Variants in TNIP3 observed in about 807,000 individuals in gnomAD.
TNIP3 encodes TNFAIP3-interacting protein 3.
A neutral mutation model predicts 54.1 loss-of-function variants in TNIP3; 34 were observed. The observed-to-expected ratio is 0.63, with a 90% CI of 0.48 to 0.84. The LOEUF (loss-of-function observed/expected upper bound fraction) is 0.84, where lower values mean the gene tolerates loss of function less well. Among genes scored for constraint, TNIP3 ranks in the 40% least tolerant of loss-of-function variants. The pLI is 0.00. For missense variants in TNIP3, 366 were observed against 387.6 expected (o/e 0.94, Z 0.47); for synonymous variants, 134 against 136.8 (o/e 0.98, Z 0.14).
chr4:121,163,813 A>G (rs113324314), intron 1 of TNIP3, among the ~76,000 whole-genome samples: 3,865 of 152,300 alleles, frequency 0.025, 159 homozygotes, highest in African/African-American at 0.087. Flanking sequence ...AAAATCAAGA[A>G]CAAAATAAGG....
At chr4:121,156,602 G>A (rs1208306302) in intron 4 of TNIP3, among the ~76,000 whole-genome samples, 1 of 152,104 alleles carries the variant, frequency 6.6e-6, no homozygotes, top group Non-Finnish European at 1.5e-5. Flanking sequence ...TAATGAGGAC[G>A]AAGGCTTTAA....
At chr4:121,169,629 C>T (rs17051305) in intron 3 of TNIP3, among the ~76,000 whole-genome samples, 6,713 of 152,224 alleles carry the variant, frequency 0.044, 491 homozygotes, top group African/African-American at 0.15. Flanking sequence ...CCTTCCTTAC[C>T]CCAAAACAAA....
intron 3 of TNIP3, among the ~76,000 whole-genome samples, chr4:121,169,509 C>T (rs1730953681): frequency 1.3e-5 from 2 of 152,140 alleles, no homozygotes; most frequent in African/African-American, 2.4e-5. Context: ...AGCTTGTAAA[C>T]TCCATGATAG....
At chr4:121,182,454 TA>T (rs1306810575) in intron 3 of TNIP3, among the ~76,000 whole-genome samples, 1 of 152,188 alleles carries the variant, frequency 6.6e-6, no homozygotes, top group African/African-American at 2.4e-5. Flanking sequence ...CTGGACACTT[TA>T]AAGTGGAAAG....
intron 2 of TNIP3, among the ~76,000 whole-genome samples, chr4:121,189,916 C>A (rs2148831817): frequency 6.6e-6 from 1 of 152,272 alleles, no homozygotes; most frequent in Non-Finnish European, 1.5e-5. Context: ...ACTGATGCCA[C>A]AAACTAGATC....
chr4:121,144,263 G>C (rs1277907570), intron 7 of TNIP3, among the ~76,000 whole-genome samples: 2 of 152,068 alleles, frequency 1.3e-5, no homozygotes, highest in African/African-American at 4.8e-5. Flanking sequence ...AGATTACAAA[G>C]AACTGAAAGT....
chr4:121,150,008 A>G (rs529584124), intron 6 of TNIP3, 95 bp downstream of exon 6: 2 of 738,586 alleles, frequency 2.7e-6, no homozygotes, highest in Non-Finnish European at 4.7e-6. Context: ...AACCTTTGAC[A>G]TATTTCTAGC....
intron 6 of TNIP3, among the ~76,000 whole-genome samples, chr4:121,148,011 G>A (rs541530311): frequency 1.4e-4 from 22 of 152,318 alleles, no homozygotes; most frequent in African/African-American, 5.3e-4. Flanking sequence ...GCACTGAAGG[G>A]AAACTACATC....
chr4:121,206,982 T>C (rs572986842), intron 2 of TNIP3, among the ~76,000 whole-genome samples: 2 of 152,276 alleles, frequency 1.3e-5, no homozygotes, highest in African/African-American at 4.8e-5. Flanking sequence ...TAGAAATAAG[T>C]TCAAATATAG....
intron 2 of TNIP3, among the ~76,000 whole-genome samples, chr4:121,160,820 C>A (rs996345795): frequency 1.3e-5 from 2 of 151,982 alleles, no homozygotes; most frequent in African/African-American, 4.8e-5. Flanking sequence ...AAGGCACAAA[C>A]GATAAAGGCA....
chr4:121,203,975 ATATT>A (rs1308704720), intron 2 of TNIP3, among the ~76,000 whole-genome samples: 16 of 148,984 alleles, frequency 1.1e-4, no homozygotes, highest in African/African-American at 3.9e-4. Flanking sequence ...TTTAAATTAA[ATATT>A]TAATATTAAA....
In TNIP3 at chr4:121,178,481, G is replaced by A. The variant is rs145473595; in HGVS notation, c.189+4195C>T. 6.1e-4 allele frequency among the ~76,000 whole-genome samples: 93 copies of A among 152,286 alleles called. No homozygotes were observed. The South Asian group carries it at 8.5e-3, about 14-fold the overall frequency. On this transcript the variant is annotated intron_variant, in intron 3 of 12. Coordinates refer to the TNIP3 transcript ENST00000507879. ...GTGTTTGGTTGCATTTGGAGTTCTCGAAGACATATTCCACATTGAGCACAC... is the reference window on the plus strand; with the variant it reads ...GTGTTTGGTTGCATTTGGAGTTCTCAAAGACATATTCCACATTGAGCACAC...
At chr4:121,211,272 TATAA>T (rs1726463369) in intron 2 of TNIP3, among the ~76,000 whole-genome samples, 1 of 152,182 alleles carries the variant, frequency 6.6e-6, no homozygotes. Context: ...CTTATGTCAA[TATAA>T]ATACTAGCAA....
At chr4:121,204,285 T>A (rs1033558339) in intron 2 of TNIP3, among the ~76,000 whole-genome samples, 4 of 152,124 alleles carry the variant, frequency 2.6e-5, no homozygotes, top group African/African-American at 9.7e-5. Flanking sequence ...GATTGCCTCA[T>A]TTGGAGAGGC....
Position 121,158,638 on chromosome 4 carries a change from A to G in TNIP3, c.213+49T>C, listed in dbSNP as rs752734288. ...TGAGACTCTTCACACAATTGGCCCC[A>G]CCAGGATAATGGCTTTAAAGAAAAT... On this transcript the variant is annotated intron_variant, in intron 3 of 10. Coordinates refer to ENST00000057513, the MANE Select transcript of TNIP3 (RefSeq NM_024873.6). 7.5e-6 allele frequency: 11 copies of G among 1,460,990 alleles called. No homozygotes were observed. The Admixed American group carries it at 1.9e-4, about 25-fold the overall frequency. 90.5% of individuals were successfully genotyped at this position (1,460,990 alleles called of 1,614,324 possible). A position where few individuals can be genotyped will look rare whatever the true frequency, so the allele number is the denominator to read the frequency against.
chr4:121,223,190 G>A (rs1017074593), intron 1 of TNIP3, among the ~76,000 whole-genome samples: 11 of 152,292 alleles, frequency 7.2e-5, no homozygotes, highest in African/African-American at 2.6e-4. Context: ...GCCAGCCTTG[G>A]CCCATCCTTA....
chr4:121,179,732 T>G (rs1724567439), intron 3 of TNIP3, among the ~76,000 whole-genome samples: 1 of 151,466 alleles, frequency 6.6e-6, no homozygotes, highest in South Asian at 2.1e-4. Context: ...ATGGTGGCCC[T>G]GAAGGAATCC....
At chr4:121,194,188 TG>T (rs2148834916) in intron 2 of TNIP3, among the ~76,000 whole-genome samples, 1 of 152,278 alleles carries the variant, frequency 6.6e-6, no homozygotes, top group African/African-American at 2.4e-5. Context: ...AATCATCCAG[TG>T]GTACCTTTTT....
At chr4:121,204,803 A>G (rs1726092886) in intron 2 of TNIP3, among the ~76,000 whole-genome samples, 1 of 152,216 alleles carries the variant, frequency 6.6e-6, no homozygotes, top group Non-Finnish European at 1.5e-5. Context: ...ATTGGTTGCA[A>G]TAATTTTCAT....
Sources: gnomAD v4.1 joint callset for allele counts (sites outside exome capture counted in the v4.1 genomes callset) on GRCh38, gnomAD v4.1.1 for gene constraint, MANE v1.5 for transcripts, NCBI Gene and HGNC (gene_info 2026-07-23, HGNC 2026-07-21) for gene names.